The following STX1B variants were observed in gnomAD, a reference collection of about 807,000 sequenced individuals.
STX1B encodes syntaxin 1B.
STX1B carries 7 observed loss-of-function variants against 39.4 expected under a neutral mutation model. That is an observed-to-expected ratio of 0.18 (90% CI 0.10 to 0.33). The LOEUF (loss-of-function observed/expected upper bound fraction) is 0.33. Ranked by LOEUF, STX1B falls within the 10% of genes least tolerant of loss-of-function variation. STX1B has a pLI of 1.00. For missense variants in STX1B, 198 were observed against 383.2 expected (o/e 0.52, Z 4.04); for synonymous variants, 136 against 144.1 (o/e 0.94, Z 0.40).
At chr16:31,002,501 C>T (rs1170516849) in intron 1 of STX1B, among the ~76,000 whole-genome samples, 2 of 152,336 alleles carry the variant, frequency 1.3e-5, no homozygotes, top group African/African-American at 4.8e-5. Context: ...CACAGCTGAG[C>T]CGCACTGACA....
chr16:30,997,638 G>A, intron 4 of STX1B, 63 bp from the exon 5 acceptor site: 1 of 1,479,106 alleles, frequency 6.8e-7, no homozygotes, highest in Non-Finnish European at 9.2e-7. Context: ...AGGGTCCGGG[G>A]CGTACGAATG....
In STX1B at chr16:30,990,318, A is replaced by T. The variant is rs1242431896; in HGVS notation, c.*2503T>A. 1 of 152,274 alleles carries T rather than the reference A, an allele frequency of 6.6e-6. No individual in the cohort carries two copies. The highest frequency in any genetic ancestry group is 1.5e-5 in the Non-Finnish European group (1 of 68,118). 9.4% of individuals were successfully genotyped at this position (152,274 alleles called of 1,614,324 possible). On this transcript the variant is annotated 3_prime_UTR_variant, in exon 10 of 10. Coordinates refer to ENST00000215095, the MANE Select transcript of STX1B (RefSeq NM_052874.5). ...AGATGGGAGCAGGAGGGCCGTGGCC[A>T]GACTTGGGGCAGACTTCCTGTCCTG...
intron 7 of STX1B, among the ~76,000 whole-genome samples, chr16:30,995,461 A>AACTAGGTTCG (rs2056586938): frequency 6.6e-6 from 1 of 151,652 alleles, no homozygotes; most frequent in African/African-American, 2.4e-5. Flanking sequence ...GAGAAACAAG[A>AACTAGGTTCG]ACTAGGTTCG....
intron 4 of STX1B, among the ~76,000 whole-genome samples, chr16:30,998,216 C>T (rs550083547): frequency 6.6e-6 from 1 of 152,268 alleles, no homozygotes; most frequent in African/African-American, 2.4e-5. Context: ...ATCAAGCACT[C>T]CTGACACTAT....
At chr16:30,993,986 CA>C (rs965896871) in intron 7 of STX1B, among the ~76,000 whole-genome samples, 277 of 120,702 alleles carry the variant, frequency 2.3e-3, no homozygotes, top group Admixed American at 2.9e-3. Context: ...AATTCCATCT[CA>C]AAAAAAAAAA....
intron 7 of STX1B, among the ~76,000 whole-genome samples, chr16:30,994,403 G>A (rs1214792174): frequency 1.6e-4 from 23 of 140,402 alleles, no homozygotes; most frequent in Non-Finnish European, 2.9e-4. Flanking sequence ...GGGCAACATA[G>A]TGAGACTTTG....
chr16:31,001,688 CTA>C lies in STX1B; in HGVS notation c.31-87_31-86del. 1 of 1,071,758 alleles carries C rather than the reference CTA, an allele frequency of 9.3e-7. No homozygotes were observed. Among genetic ancestry groups the C allele is most frequent in the Non-Finnish European group, 1.4e-6 (1 of 718,808 alleles). The allele number at this position is 1,071,758 out of a possible 1,614,324, so 66.4% of individuals were successfully genotyped here. On this transcript the variant is annotated intron_variant, in intron 1 of 9. Coordinates refer to ENST00000215095, the MANE Select transcript of STX1B (RefSeq NM_052874.5). The surrounding 1 kb of genome is among the most constrained non-coding windows in gnomAD (Gnocchi z 5.5). ...CTCCAGCTCTCCCACCCTCTCCCTG[CTA>C]TGCACACACAGGTGCTCCCAGCTCT...
rs571649716 is a variant in STX1B at position 31,007,377 on chromosome 16, C to T, written c.30+2990G>A. ...GTCTCCGCACTTCTCCCACCCGACT[C>T]CACAGCTGCGTCTCAGACCTCAGCC... On this transcript the variant is annotated intron_variant, in intron 1 of 9. Coordinates refer to ENST00000215095, the MANE Select transcript of STX1B (RefSeq NM_052874.5). 3.3e-5 allele frequency among the ~76,000 whole-genome samples: 5 copies of T among 152,228 alleles called. No homozygotes were observed. In the South Asian group the frequency reaches 1.0e-3, roughly 32 times the overall value.
intron 1 of STX1B, among the ~76,000 whole-genome samples, chr16:31,007,728 G>A (rs2056661813): frequency 6.6e-6 from 1 of 152,182 alleles, no homozygotes; most frequent in Admixed American, 6.5e-5. Flanking sequence ...ATCGCAGGGG[G>A]CTTGTGTGGT....
chr16:31,006,355 C>T (rs927841745), intron 1 of STX1B, among the ~76,000 whole-genome samples: 1 of 152,212 alleles, frequency 6.6e-6, no homozygotes, highest in South Asian at 2.1e-4. Flanking sequence ...TGCCTTACCC[C>T]CTGCCCCTTT....
chr16:30,993,611 C>T (rs2056575320), intron 7 of STX1B, 127 bp from the exon 8 acceptor site: 1 of 1,040,734 alleles, frequency 9.6e-7, no homozygotes, highest in Non-Finnish European at 1.4e-6. Flanking sequence ...TATTCACCTG[C>T]TCTTGGCCTC....
At chr16:31,006,199 G>A (rs898450460) in intron 1 of STX1B, among the ~76,000 whole-genome samples, 2 of 152,152 alleles carry the variant, frequency 1.3e-5, no homozygotes, top group Admixed American at 6.5e-5. Flanking sequence ...AAGCATCATC[G>A]TTTGATCGGA....
At position 30,997,569 on chromosome 16, in the gene STX1B, T is replaced by C; in HGVS notation, c.287A>G (p.Glu96Gly). ...NKVRSKLKAI[E>G]QSIEQEEGLN... The stretch of plus-strand genomic sequence containing the variant: ...CCCCTCCTCCTGTTCAATGCTTTGC[T>C]CGATCGCTGCGGGAGAGAGGGCGCA... The change falls in exon 5 of 10, where the codon GAG becomes GGG. Residue 96 changes from glutamate (E) to glycine (G), a missense_variant. Coordinates refer to ENST00000215095, the MANE Select transcript of STX1B (RefSeq NM_052874.5). 6.2e-7 allele frequency: 1 copy of C among 1,609,002 alleles called. No homozygotes were observed. The highest frequency in any genetic ancestry group is 8.5e-7 in the Non-Finnish European group (1 of 1,178,330).
Position 31,001,401 on chromosome 16 carries a change from G to A in STX1B, c.105+128C>T. On this transcript the variant is annotated intron_variant, in intron 2 of 9. Transcript: ENST00000215095. The surrounding 1 kb of genome is among the most constrained non-coding windows in gnomAD (Gnocchi z 5.5). ...TGCCGGGGCTGCGGCTGGGCGGTGG[G>A]ACTAGGGGCTGGGGCTGGGTGCTGG... 1.2e-6 allele frequency: 1 copy of A among 853,122 alleles called. No homozygotes were observed. The allele number at this position is 853,122 out of a possible 1,614,324, so 52.8% of individuals were successfully genotyped here.
In STX1B at chr16:30,992,779, G is replaced by A. The variant is rs1567376432; in HGVS notation, c.*42C>T. On this transcript the variant is annotated 3_prime_UTR_variant, in exon 10 of 10. Coordinates refer to ENST00000215095, the MANE Select transcript of STX1B (RefSeq NM_052874.5). Reference sequence around the variant, plus strand: ...GGGTGGTGGGGGTATTGCTCCCGATGTGGTGGGGGAAGGGTCTGGGAGAGA... The same window carrying A: ...GGGTGGTGGGGGTATTGCTCCCGATATGGTGGGGGAAGGGTCTGGGAGAGA... The A allele has an allele frequency of 7.6e-7, 1 of 1,316,160 alleles. No homozygotes were observed. The highest frequency in any genetic ancestry group is 1.7e-5 in the Admixed American group (1 of 57,616). The allele number at this position is 1,316,160 out of a possible 1,614,324, so 81.5% of individuals were successfully genotyped here. A position where few individuals can be genotyped will look rare whatever the true frequency, so the allele number is the denominator to read the frequency against.
intron 7 of STX1B, 28 bp from the exon 8 acceptor site, chr16:30,993,512 T>G: frequency 4.3e-6 from 7 of 1,611,316 alleles, no homozygotes; most frequent in Non-Finnish European, 5.9e-6. Flanking sequence ...AGAGCTACAA[T>G]CACCCTTCTC....
chr16:30,993,589 CCTT>C, intron 7 of STX1B, 105 bp from the exon 8 acceptor site: 3 of 1,359,982 alleles, frequency 2.2e-6, no homozygotes, highest in Non-Finnish European at 3.1e-6. Context: ...CTAGCTGAAA[CCTT>C]AGGCACATTA....
In STX1B at chr16:31,010,485, G is replaced by A. The variant is rs2056676004; in HGVS notation, c.-89C>T. The A allele has an allele frequency of 6.1e-6, 6 of 978,240 alleles. No individual in the cohort carries two copies. The highest frequency in any genetic ancestry group is 7.9e-6 in the Non-Finnish European group (6 of 757,254). The allele number at this position is 978,240 out of a possible 1,614,324, so 60.6% of individuals were successfully genotyped here. A position where few individuals can be genotyped will look rare whatever the true frequency, so the allele number is the denominator to read the frequency against. Reference sequence around the variant, plus strand: ...CCTCTGTGCCGGAGGCCGGGGTCTGGGGGCGCCGGGGGGCGCCGCGGCCGC... The same window carrying A: ...CCTCTGTGCCGGAGGCCGGGGTCTGAGGGCGCCGGGGGGCGCCGCGGCCGC... On this transcript the variant is annotated 5_prime_UTR_variant, in exon 1 of 10. Transcript: ENST00000215095.
In STX1B at chr16:31,001,451, A is replaced by C. The variant is rs1283308478; in HGVS notation, c.105+78T>G. The C allele has an allele frequency of 7.9e-6, 6 of 760,062 alleles. No homozygotes were observed. The highest frequency in any genetic ancestry group is 7.9e-5 in the African/African-American group (2 of 25,398). The allele number at this position is 760,062 out of a possible 1,614,324, so 47.1% of individuals were successfully genotyped here. On this transcript the variant is annotated intron_variant, in intron 2 of 9. Transcript: ENST00000215095. The surrounding 1 kb of genome is among the most constrained non-coding windows in gnomAD (Gnocchi z 5.5). ...GGGCTGGGGCTGGGTGCCGGGGCTG[A>C]GGCTGGGCGGTGGGACTAGGGGCTG...
Sources: gnomAD v4.1 joint callset for allele counts (sites outside exome capture counted in the v4.1 genomes callset) on GRCh38, gnomAD v4.1.1 for gene constraint, Gnocchi (gnomAD v3.1) non-coding constraint, MANE v1.5 for transcripts, NCBI Gene and HGNC (gene_info 2026-07-23, HGNC 2026-07-21) for gene names.